MRRF: variants seen among roughly 807,000 people sequenced by gnomAD.
The protein encoded by MRRF is mitochondrial ribosome recycling factor.
MRRF carries 18 observed loss-of-function variants against 25.1 expected under a neutral mutation model. The observed-to-expected ratio is 0.72, with a 90% confidence interval of 0.50 to 1.06. The LOEUF is 1.06. MRRF is among the 50% of genes least tolerant of loss of function. MRRF has a pLI of 0.00. For synonymous variants in MRRF, 113 were observed against 112.1 expected (o/e 1.01, Z -0.05); for missense variants, 323 against 319.3 (o/e 1.01, Z -0.09).
intron 1 of MRRF, chr9:122,265,731 T>C: frequency 3.1e-6 from 4 of 1,287,952 alleles, no homozygotes; most frequent in South Asian, 1.2e-5. Context: ...AAATGCTTTT[T>C]GAATACGTGT....
At chr9:122,289,075 A>G (rs905565859) in intron 4 of MRRF, among the ~76,000 whole-genome samples, 12 of 152,232 alleles carry the variant, frequency 7.9e-5, no homozygotes, top group African/African-American at 2.2e-4. Flanking sequence ...ATATGAGAAC[A>G]TGACTAATTC....
chr9:122,277,917 A>AT (rs999380118), intron 2 of MRRF, among the ~76,000 whole-genome samples: 4 of 151,826 alleles, frequency 2.6e-5, no homozygotes, highest in Non-Finnish European at 5.9e-5. Context: ...ATATTTAAAA[A>AT]TTTTTTTTAT....
At chr9:122,313,414 C>G (rs763428904) in intron 6 of MRRF, 28 bp downstream of exon 6, 1 of 1,610,264 alleles carries the variant, frequency 6.2e-7, no homozygotes, top group Non-Finnish European at 8.5e-7. Context: ...GTAGTAGTGT[C>G]TGTGTATTCA....
At chr9:122,274,533 G>GGGGTGTGTGT (rs1554817591) in intron 2 of MRRF, among the ~76,000 whole-genome samples, 1 of 140,562 alleles carries the variant, frequency 7.1e-6, no homozygotes, top group Non-Finnish European at 1.5e-5. Flanking sequence ...ATATGAATCT[G>GGGGTGTGTGT]GTGTGTGTGT....
Position 122,270,937 on chromosome 9 carries a change from C to T in MRRF, c.46C>T (p.Arg16Cys), listed in dbSNP as rs202195745. Residue 16 changes from arginine to cysteine, a missense_variant, in exon 2 of 7, where the codon CGC becomes TGC. By Grantham distance (180) the Arg-to-Cys change is radical. Transcript: ENST00000344641. ...KCFRMVHPTFRNYLAASIRPV... is the reference protein window; with the variant it reads ...KCFRMVHPTFCNYLAASIRPV... Reference sequence around the variant, plus strand: ...CTTCCGCATGGTCCACCCTACCTTTCGCAATTATCTTGCAGCCTCTATCAG... The same window carrying T: ...CTTCCGCATGGTCCACCCTACCTTTTGCAATTATCTTGCAGCCTCTATCAG... 1.2e-4 allele frequency: 194 copies of T among 1,614,052 alleles called. No homozygotes were observed. The highest frequency in any genetic ancestry group is 1.6e-4 in the Non-Finnish European group (183 of 1,180,006).
chr9:122,265,989 A>G (rs984376699), intron 1 of MRRF, among the ~76,000 whole-genome samples: 1 of 152,284 alleles, frequency 6.6e-6, no homozygotes, highest in Non-Finnish European at 1.5e-5. Context: ...AACCAGAGAC[A>G]GTGGAGGCAA....
intron 3 of MRRF, among the ~76,000 whole-genome samples, chr9:122,282,088 C>T (rs754882176): frequency 1.3e-5 from 2 of 152,142 alleles, no homozygotes; most frequent in South Asian, 2.1e-4. Context: ...GTTTGTTTAA[C>T]GTTCTGTATA....
intron 2 of MRRF, among the ~76,000 whole-genome samples, chr9:122,275,884 CATA>C (rs1832739971): frequency 6.6e-6 from 1 of 151,948 alleles, no homozygotes; most frequent in Non-Finnish European, 1.5e-5. Context: ...TACCATTGTG[CATA>C]ATACTTTCTT....
rs1305136444 is a variant in MRRF, at chr9:122,325,631, G to GT, written c.*3014_*3015insT. 6.9e-5 allele frequency: 8 copies of GT among 116,628 alleles called. No individual in the cohort carries two copies. Among genetic ancestry groups the GT allele is most frequent in the South Asian group, 3.3e-4 (1 of 3,018 alleles). 7.2% of individuals were successfully genotyped at this position (116,628 alleles called of 1,614,324 possible). On this transcript the variant is annotated 3_prime_UTR_variant, in exon 7 of 7. Transcript: ENST00000344641. ...GAATTTGAGAATTTTTTTCCTGTCT[G>GT]GTGTGTGTGTGTGTGTGTGTGTGTG...
chr9:122,274,085 G>T (rs1361114731), intron 2 of MRRF, among the ~76,000 whole-genome samples: 2 of 151,892 alleles, frequency 1.3e-5, no homozygotes, highest in African/African-American at 2.4e-5. Flanking sequence ...TCCCCTCACT[G>T]TCATTGGATT....
Position 122,280,697 on chromosome 9 carries a change from G to A in MRRF, c.340+99G>A, listed in dbSNP as rs886215367. 5 of 1,139,506 alleles carry A rather than the reference G, an allele frequency of 4.4e-6. No homozygotes were observed. In the Admixed American group the frequency reaches 9.0e-5, roughly 20 times the overall value. The allele number at this position is 1,139,506 out of a possible 1,614,324, so 70.6% of individuals were successfully genotyped here. A position where few individuals can be genotyped will look rare whatever the true frequency, so the allele number is the denominator to read the frequency against. ...TCCCAGCTTTGCCATTTACTAACTGGTGGCCATGGGCAGTTACTTTGCTTT... is the reference window on the plus strand; with the variant it reads ...TCCCAGCTTTGCCATTTACTAACTGATGGCCATGGGCAGTTACTTTGCTTT... On this transcript the variant is annotated intron_variant, in intron 3 of 6. Transcript: ENST00000344641.
At chr9:122,295,034 C>T (rs777105537) in intron 5 of MRRF, among the ~76,000 whole-genome samples, 24 of 152,120 alleles carry the variant, frequency 1.6e-4, no homozygotes, top group Non-Finnish European at 1.5e-4. Context: ...GTTGGTGTCA[C>T]GTAAGCATGA....
At chr9:122,287,355 A>C (rs1833479082) in intron 4 of MRRF, among the ~76,000 whole-genome samples, 1 of 152,224 alleles carries the variant, frequency 6.6e-6, no homozygotes, top group Non-Finnish European at 1.5e-5. Flanking sequence ...TATTAGGTTG[A>C]TAAAAGGGAG....
At position 122,286,307 on chromosome 9, in the gene MRRF, A is replaced by T. The variant is rs890845231; in HGVS notation, c.459+1020A>T. 2.1e-5 allele frequency: 17 copies of T among 821,596 alleles called. No homozygotes were observed. The Admixed American group carries it at 5.6e-4, about 27-fold the overall frequency. The allele number at this position is 821,596 out of a possible 1,614,324, so 50.9% of individuals were successfully genotyped here. ...GCCCTTGCTGTGAACACACTGTTTC[A>T]AATCAAAGGGCTCTGATAGCTAATG... On this transcript the variant is annotated intron_variant, in intron 4 of 6. Transcript: ENST00000344641.
At chr9:122,275,551 C>G (rs1028414551) in intron 2 of MRRF, among the ~76,000 whole-genome samples, 2 of 152,132 alleles carry the variant, frequency 1.3e-5, no homozygotes, top group African/African-American at 4.8e-5. Flanking sequence ...GGGAGAATCA[C>G]CAGAGCCCAG....
chr9:122,273,496 G>C lies in MRRF; in HGVS notation c.184+2421G>C, dbSNP rs547266457. ...GTTATTTAATCAGTTCTTTAATCAG[G>C]TTTATTTCTGGGGGAATCCTATCTT... On this transcript the variant is annotated intron_variant, in intron 2 of 6. Transcript: ENST00000344641. 4.7e-5 allele frequency among the ~76,000 whole-genome samples: 7 copies of C among 150,194 alleles called. No individual in the cohort carries two copies. The South Asian group carries it at 1.5e-3, about 31-fold the overall frequency.
At chr9:122,318,777 C>T (rs1564516235) in intron 6 of MRRF, among the ~76,000 whole-genome samples, 1 of 152,184 alleles carries the variant, frequency 6.6e-6, no homozygotes, top group Non-Finnish European at 1.5e-5. Context: ...AATCCTGGCT[C>T]TTTTACTTCT....
chr9:122,287,762 C>T (rs1833502247), intron 4 of MRRF, among the ~76,000 whole-genome samples: 1 of 152,116 alleles, frequency 6.6e-6, no homozygotes, highest in South Asian at 2.1e-4. Flanking sequence ...TGAAAAAATC[C>T]TTACAAGTAT....
intron 5 of MRRF, among the ~76,000 whole-genome samples, chr9:122,292,862 A>C (rs570617114): frequency 2.6e-5 from 4 of 152,194 alleles, no homozygotes; most frequent in Non-Finnish European, 4.4e-5. Context: ...TTAAATCCCT[A>C]TTCCTACACA....
Sources: allele counts gnomAD v4.1 joint callset (sites outside exome capture counted in the v4.1 genomes callset), GRCh38; gene constraint gnomAD v4.1.1; transcripts MANE v1.5; gene names NCBI Gene and HGNC (gene_info 2026-07-23, HGNC 2026-07-21).